Variants in FOXK2 observed in about 807,000 individuals in gnomAD.
FOXK2 encodes the protein forkhead box K2.
Under a neutral mutation model 53.3 loss-of-function variants are expected in FOXK2, and 24 were observed. The observed-to-expected ratio is 0.45, with a 90% CI of 0.33 to 0.63. FOXK2 has a LOEUF of 0.63. Ranked by LOEUF, FOXK2 falls within the 30% of genes least tolerant of loss-of-function variation. FOXK2 has a pLI of 0.03. For missense variants in FOXK2, 952 were observed against 910.5 expected (o/e 1.05, Z -0.59); for synonymous variants, 505 against 407.1 (o/e 1.24, Z -2.89).
intron 1 of FOXK2, among the ~76,000 whole-genome samples, chr17:82,562,418 TA>T (rs898766938): frequency 1.7e-4 from 26 of 152,188 alleles, no homozygotes; most frequent in Admixed American, 1.4e-3. Context: ...CCGTCTCTGC[TA>T]AAAATACGAA....
chr17:82,586,449 CCGGGGGGGGAAA>C (rs2045162783), intron 7 of FOXK2, among the ~76,000 whole-genome samples: 2 of 3,042 alleles, frequency 6.6e-4, no homozygotes, highest in Non-Finnish European at 1.3e-3. Flanking sequence ...CAAAGGTGGG[CCGGGGGGGGAAA>C]GGAGGAGAGG....
At chr17:82,569,014 AAAAAT>A (rs1486288839) in intron 3 of FOXK2, among the ~76,000 whole-genome samples, 3 of 152,342 alleles carry the variant, frequency 2.0e-5, no homozygotes, top group Non-Finnish European at 4.4e-5. Context: ...CCTGTTTCAA[AAAAAT>A]AAAATAAAAA....
chr17:82,520,844 G>T (rs1225295067), intron 1 of FOXK2, among the ~76,000 whole-genome samples: 2 of 152,158 alleles, frequency 1.3e-5, no homozygotes, highest in East Asian at 3.8e-4. Context: ...TTTTCAGTAG[G>T]CCAAATTGGA....
At chr17:82,545,994 A>G (rs2044621231) in intron 1 of FOXK2, among the ~76,000 whole-genome samples, 1 of 150,184 alleles carries the variant, frequency 6.7e-6, no homozygotes, top group Non-Finnish European at 1.5e-5. Flanking sequence ...AACTTTTGAC[A>G]TTTTCTCTCT....
chr17:82,562,410 G>C (rs990003837), intron 1 of FOXK2, among the ~76,000 whole-genome samples: 1 of 152,092 alleles, frequency 6.6e-6, no homozygotes, highest in Non-Finnish European at 1.5e-5. Flanking sequence ...GAGAAACCCC[G>C]TCTCTGCTAA....
chr17:82,548,032 C>T (rs189723651), intron 1 of FOXK2, among the ~76,000 whole-genome samples: 177 of 152,342 alleles, frequency 1.2e-3, no homozygotes, highest in Non-Finnish European at 1.9e-3. Context: ...CATTCACCTA[C>T]GGCTGACTGT....
intron 3 of FOXK2, among the ~76,000 whole-genome samples, chr17:82,568,748 G>T (rs1388272623): frequency 6.6e-6 from 1 of 152,218 alleles, no homozygotes; most frequent in African/African-American, 2.4e-5. Flanking sequence ...GGTGGCTCAT[G>T]CCTGTAATCC....
intron 1 of FOXK2, among the ~76,000 whole-genome samples, chr17:82,543,359 C>T (rs546974542): frequency 5.3e-4 from 80 of 152,274 alleles, no homozygotes; most frequent in Non-Finnish European, 9.6e-4. Flanking sequence ...TCATGTTATC[C>T]GGGGAGGCCG....
intron 8 of FOXK2, among the ~76,000 whole-genome samples, chr17:82,590,833 G>C (rs2143150378): frequency 6.6e-6 from 1 of 152,326 alleles, no homozygotes; most frequent in African/African-American, 2.4e-5. Flanking sequence ...CATGGGGTTA[G>C]AATGTCCTGT....
At chr17:82,557,553 A>G (rs533005830) in intron 1 of FOXK2, among the ~76,000 whole-genome samples, 2 of 152,278 alleles carry the variant, frequency 1.3e-5, no homozygotes, top group East Asian at 1.9e-4. Flanking sequence ...CGTGTTGGCC[A>G]GGCTGGTCTT....
At chr17:82,550,828 G>A (rs952661105) in intron 1 of FOXK2, among the ~76,000 whole-genome samples, 1 of 152,126 alleles carries the variant, frequency 6.6e-6, no homozygotes, top group Non-Finnish European at 1.5e-5. Context: ...GTGCAGCTGT[G>A]CTGGCCACAC....
chr17:82,579,884 C>T (rs559594950), intron 4 of FOXK2, among the ~76,000 whole-genome samples: 67 of 126,080 alleles, frequency 5.3e-4, no homozygotes, highest in African/African-American at 1.7e-3. Context: ...CTCTCCATGT[C>T]GCCCATGAAG....
chr17:82,572,568 C>G (rs1356141860), intron 4 of FOXK2, among the ~76,000 whole-genome samples: 5 of 147,078 alleles, frequency 3.4e-5, no homozygotes, highest in Non-Finnish European at 7.5e-5. Context: ...TAGGTTTTTT[C>G]TCTGTGTATC....
intron 8 of FOXK2, chr17:82,596,052 T>C: frequency 9.0e-7 from 1 of 1,110,368 alleles, no homozygotes; most frequent in Non-Finnish European, 1.1e-6. Flanking sequence ...CCTACCGCAG[T>C]GGCCCCGGCT....
intron 1 of FOXK2, among the ~76,000 whole-genome samples, chr17:82,526,261 G>A (rs76313267): frequency 0.044 from 6,629 of 152,194 alleles, 206 homozygotes; most frequent in South Asian, 0.093. Context: ...GAGAATCCCA[G>A]TACCAGAAAG....
In FOXK2 at chr17:82,601,661, G is replaced by C. The variant is rs111902444; in HGVS notation, c.*162G>C. On this transcript the variant is annotated 3_prime_UTR_variant, in exon 9 of 9. Transcript: ENST00000335255. ...GCCTTAACACTCCTTAAAGACAGAAGTCACACTTGAACAAAACCCACACAC... is the reference window on the plus strand; with the variant it reads ...GCCTTAACACTCCTTAAAGACAGAACTCACACTTGAACAAAACCCACACAC... The C allele has an allele frequency of 0.011, 6,818 of 638,534 alleles. 77 individuals carry two copies. The highest frequency in any genetic ancestry group is 0.028 in the South Asian group (1,224 of 44,128). 39.6% of individuals were successfully genotyped at this position (638,534 alleles called of 1,614,324 possible). A position where few individuals can be genotyped will look rare whatever the true frequency, so the allele number is the denominator to read the frequency against.
At chr17:82,596,215 T>C in intron 8 of FOXK2, 1 of 989,930 alleles carries the variant, frequency 1.0e-6, no homozygotes, top group Non-Finnish European at 1.2e-6. Context: ...TCGCCTTCAG[T>C]AGCCTGAGTC....
intron 1 of FOXK2, among the ~76,000 whole-genome samples, chr17:82,538,823 A>AC (rs1206473079): frequency 6.6e-6 from 1 of 152,048 alleles, no homozygotes; most frequent in African/African-American, 2.4e-5. Flanking sequence ...AGGGACTTGT[A>AC]CCCTACGCCA....
Position 82,585,919 on chromosome 17 carries a change from G to C in FOXK2, c.1295G>C (p.Ser432Thr), listed in dbSNP as rs371727135. The change falls in exon 7 of 9, where the codon AGT (serine) becomes ACT (threonine). Residue 432 changes from serine to threonine, a missense_variant. Around this residue, in one of 5 missense-constraint regions of FOXK2, gnomAD observed 551 missense variants for 385.1 expected, o/e 1.43. Coordinates refer to ENST00000335255, the MANE Select transcript of FOXK2 (RefSeq NM_004514.4). Reference protein sequence around the residue: ...AQSAPGSPLSSQPVLITVQRQ... With the variant: ...AQSAPGSPLSTQPVLITVQRQ... ...CTTTCACCAGGGTCACCTCTGTCCA[G>C]TCAGCCAGTCTTAATCACCGTCCAG... The C allele has an allele frequency of 6.2e-7, 1 of 1,611,078 alleles. No individual in the cohort carries two copies. Among genetic ancestry groups the C allele is most frequent in the African/African-American group, 1.3e-5 (1 of 74,914 alleles).
Sources: allele counts gnomAD v4.1 joint callset (sites outside exome capture counted in the v4.1 genomes callset), GRCh38; gene constraint gnomAD v4.1.1; regional missense constraint gnomAD v4.1.1; transcripts MANE v1.5; gene names NCBI Gene and HGNC (gene_info 2026-07-23, HGNC 2026-07-21).